PCDH11X: variants seen among roughly 807,000 people sequenced by gnomAD.
The protein encoded by PCDH11X is protocadherin-11 X-linked.
In PCDH11X, 18 loss-of-function variants were observed where a neutral mutation model predicts 53.3. That is an observed-to-expected ratio of 0.34 (90% confidence interval 0.23 to 0.50). The LOEUF (loss-of-function observed/expected upper bound fraction) is 0.50. Ranked by LOEUF, PCDH11X falls within the 20% of genes least tolerant of loss-of-function variation. PCDH11X has a pLI of 0.98. For synonymous variants in PCDH11X, 279 were observed against 393.3 expected, an observed-to-expected ratio of 0.71 and a Z score of 3.44; for missense variants, 570 against 1,032.4, an observed-to-expected ratio of 0.55 and a Z score of 6.14.
intron 6 of PCDH11X, among the ~76,000 whole-genome samples, chrX:92,044,743 A>G (rs2063260590): frequency 9.7e-6 from 1 of 102,577 alleles, no homozygotes; most frequent in South Asian, 4.7e-4. Flanking sequence ...TTGTCAAGAT[A>G]AAATTCATGA....
At position 91,957,217 on chromosome X, in the gene PCDH11X, A is replaced by G. The variant is rs1217280333; in HGVS notation, c.3033+77944A>G. Among the ~76,000 whole-genome samples the G allele has an allele frequency of 6.4e-5, 7 of 109,688 alleles. 1 individual carries two copies. The highest frequency in any genetic ancestry group is 2.0e-4 in the African/African-American group (6 of 29,590). On this transcript the variant is annotated intron_variant, in intron 6 of 10. Coordinates refer to ENST00000682573, the MANE Select transcript of PCDH11X (RefSeq NM_032968.5). ...GGTTACAACATGCTCCTTTAGCTCAATGTGGTTTGTTATTACCCACTTCTT... is the reference window on the plus strand; with the variant it reads ...GGTTACAACATGCTCCTTTAGCTCAGTGTGGTTTGTTATTACCCACTTCTT...
chrX:91,957,566 C>T (rs62607807), intron 6 of PCDH11X, among the ~76,000 whole-genome samples: 19,172 of 109,214 alleles, frequency 0.18, 1,332 homozygotes, highest in East Asian at 0.24. Flanking sequence ...CTAGTTGCCT[C>T]AGTTTCTCCC....
chrX:91,890,904 A>G (rs187201857), intron 6 of PCDH11X, among the ~76,000 whole-genome samples: 10 of 108,777 alleles, frequency 9.2e-5, no homozygotes, highest in African/African-American at 3.3e-4. Context: ...CTCAGTGAGG[A>G]CTTTGGACTG....
At chrX:92,463,789 G>A (rs761292408) in intron 9 of PCDH11X, among the ~76,000 whole-genome samples, 123 of 110,857 alleles carry the variant, frequency 1.1e-3, no homozygotes, top group African/African-American at 3.9e-3. Flanking sequence ...GAATAAAAGG[G>A]CAGAAAATAG....
At chrX:92,373,252 G>A (rs1330479696) in intron 8 of PCDH11X, among the ~76,000 whole-genome samples, 3 of 111,687 alleles carry the variant, frequency 2.7e-5, no homozygotes, top group Non-Finnish European at 5.6e-5. Context: ...TGGACAAAAT[G>A]TAGTAAATTG....
chrX:92,468,112 A>C (rs557049323), intron 9 of PCDH11X, 187 bp from the exon 10 acceptor site: 1 of 427,299 alleles, frequency 2.3e-6, no homozygotes, highest in South Asian at 1.2e-4. Context: ...ATAAAAATGT[A>C]TTACAAAATA....
At chrX:91,838,545 C>A (rs1937386908) in intron 5 of PCDH11X, among the ~76,000 whole-genome samples, 1 of 110,520 alleles carries the variant, frequency 9.0e-6, no homozygotes. Context: ...GCAAAAAGGC[C>A]CTGTCATGAA....
In PCDH11X at chrX:92,619,237, TATC is replaced by T. The variant is rs1477323115; in HGVS notation, c.*303_*305del. 2 of 354,476 alleles carry T rather than the reference TATC, an allele frequency of 5.6e-6. No homozygotes were observed. Among genetic ancestry groups the T allele is most frequent in the African/African-American group, 5.2e-5 (2 of 38,253 alleles). 29.2% of individuals were successfully genotyped at this position (354,476 alleles called of 1,213,427 possible). On this transcript the variant is annotated 3_prime_UTR_variant, in exon 11 of 11. Coordinates refer to ENST00000682573, the MANE Select transcript of PCDH11X (RefSeq NM_032968.5). ...GATGTACAGTATTTTTTGTTGTTTT[TATC>T]ATCATGTGCAATATTACTGATTTGT...
chrX:92,553,201 C>T (rs1490954277), intron 10 of PCDH11X, among the ~76,000 whole-genome samples: 2 of 81,503 alleles, frequency 2.5e-5, no homozygotes, highest in Admixed American at 1.5e-4. Context: ...CGTCGGGTCT[C>T]GGGCTTTTTT....
chrX:92,100,640 G>T (rs184247592), intron 6 of PCDH11X, among the ~76,000 whole-genome samples: 1 of 110,888 alleles, frequency 9.0e-6, no homozygotes, highest in African/African-American at 3.3e-5. Context: ...GGTCGTATCC[G>T]TGCAAGTCAC....
chrX:92,013,692 C>T (rs1373263609), intron 6 of PCDH11X, among the ~76,000 whole-genome samples: 4 of 111,233 alleles, frequency 3.6e-5, no homozygotes, highest in Non-Finnish European at 7.5e-5. Flanking sequence ...GAGATATAGA[C>T]CCATGGAACA....
intron 6 of PCDH11X, among the ~76,000 whole-genome samples, chrX:92,086,822 A>T (rs2063959808): frequency 9.0e-6 from 1 of 111,098 alleles, no homozygotes; most frequent in Non-Finnish European, 1.9e-5. Context: ...TTTGAGGGTA[A>T]ACAGCCTTTA....
intron 8 of PCDH11X, among the ~76,000 whole-genome samples, chrX:92,298,626 C>A (rs2068658152): frequency 9.0e-6 from 1 of 110,760 alleles, no homozygotes; most frequent in African/African-American, 3.3e-5. Flanking sequence ...GTGTCTCTGC[C>A]AGGTTTTGGT....
chrX:91,929,521 CCAGA>C (rs1415172220), intron 6 of PCDH11X, among the ~76,000 whole-genome samples: 1 of 110,479 alleles, frequency 9.1e-6, no homozygotes, highest in Non-Finnish European at 1.9e-5. Flanking sequence ...GGATTCAGGC[CCAGA>C]CAGTCTAGCT....
intron 7 of PCDH11X, among the ~76,000 whole-genome samples, chrX:92,244,800 C>T (rs950460290): frequency 9.0e-6 from 1 of 111,685 alleles, no homozygotes; most frequent in African/African-American, 3.2e-5. Context: ...CCAGAGCCTG[C>T]GATCTAAAGT....
intron 6 of PCDH11X, among the ~76,000 whole-genome samples, chrX:92,061,010 A>T (rs1367097522): frequency 2.7e-5 from 3 of 112,001 alleles, no homozygotes; most frequent in Admixed American, 9.5e-5. Flanking sequence ...TGACTTATTA[A>T]TAATAGCCAT....
At chrX:92,294,499 A>G (rs1333392963) in intron 8 of PCDH11X, among the ~76,000 whole-genome samples, 1 of 112,444 alleles carries the variant, frequency 8.9e-6, no homozygotes, top group Non-Finnish European at 1.9e-5. Context: ...AAATTCTAGC[A>G]ATATTATTGG....
intron 6 of PCDH11X, among the ~76,000 whole-genome samples, chrX:91,964,913 G>A (rs374650512): frequency 1.8e-5 from 2 of 112,153 alleles, no homozygotes; most frequent in African/African-American, 3.2e-5. Flanking sequence ...AACTGCTAGC[G>A]TTTAGTTTAA....
intron 6 of PCDH11X, among the ~76,000 whole-genome samples, chrX:91,919,920 T>C (rs1188425552): frequency 1.8e-5 from 2 of 111,665 alleles, no homozygotes; most frequent in Non-Finnish European, 3.8e-5. Context: ...ATTTTTCAAA[T>C]AAATAACTGA....
Sources: allele counts gnomAD v4.1 joint callset (sites outside exome capture counted in the v4.1 genomes callset), GRCh38; gene constraint gnomAD v4.1.1; transcripts MANE v1.5; gene names NCBI Gene and HGNC (gene_info 2026-07-23, HGNC 2026-07-21).